The following LPP variants were observed in gnomAD, a reference collection of about 807,000 sequenced individuals.
LPP encodes the protein LIM domain containing preferred translocation partner in lipoma, also known as lipoma-preferred partner.
LPP carries 38 observed loss-of-function variants against 60.4 expected under a neutral mutation model. The ratio of observed to expected loss-of-function variants is 0.63; its 90% CI spans 0.49 to 0.83. The LOEUF (loss-of-function observed/expected upper bound fraction) is 0.83. LPP is among the 40% of genes least tolerant of loss of function. The pLI, the probability that LPP is intolerant of heterozygous loss-of-function variation, is 0.00. For missense variants in LPP, 902 were observed against 783.6 expected, an observed-to-expected ratio of 1.15 and a Z score of -1.80; for synonymous variants, 328 against 290.8, an observed-to-expected ratio of 1.13 and a Z score of -1.30.
At chr3:188,218,864 C>T (rs1295904619) in intron 1 of LPP, among the ~76,000 whole-genome samples, 1 of 152,082 alleles carries the variant, frequency 6.6e-6, no homozygotes, top group Non-Finnish European at 1.5e-5. Flanking sequence ...GGATTATTCC[C>T]TTATGTATAT....
At chr3:188,433,882 G>A (rs1209715591) in intron 4 of LPP, among the ~76,000 whole-genome samples, 1 of 151,458 alleles carries the variant, frequency 6.6e-6, no homozygotes, top group Non-Finnish European at 1.5e-5. Context: ...ATTTCAGAAA[G>A]AGAGAAAGAG....
intron 2 of LPP, among the ~76,000 whole-genome samples, chr3:188,277,620 C>T (rs6800979): frequency 0.68 from 103,234 of 152,116 alleles, 35,607 homozygotes; most frequent in African/African-American, 0.77. Flanking sequence ...TTATTATACC[C>T]ATTTCTTAAT....
At chr3:188,205,815 A>G (rs538904431) in intron 1 of LPP, among the ~76,000 whole-genome samples, 1 of 152,322 alleles carries the variant, frequency 6.6e-6, no homozygotes, top group East Asian at 1.9e-4. Flanking sequence ...TCCAGGAGTC[A>G]TCTTGAGGGA....
Position 188,880,966 on chromosome 3 carries a change from T to TA in LPP, c.*6502dup, listed in dbSNP as rs11293941. The TA allele has an allele frequency of 8.1e-5, 12 of 147,862 alleles. No homozygotes were observed. The highest frequency in any genetic ancestry group is 3.4e-4 in the East Asian group (2 of 5,944). 9.2% of individuals were successfully genotyped at this position (147,862 alleles called of 1,614,324 possible). On this transcript the variant is annotated 3_prime_UTR_variant, in exon 12 of 12. Transcript: ENST00000617246. ...TAACACGGTGAAACCCCGTCTCTAC[T>TA]AAAAAAAAAAAAAAATACAAAAAAT... is the stretch of plus-strand genomic sequence containing the variant.
At chr3:188,204,764 T>G (rs1471305681) in intron 1 of LPP, among the ~76,000 whole-genome samples, 4 of 152,198 alleles carry the variant, frequency 2.6e-5, no homozygotes, top group Non-Finnish European at 1.5e-5. Context: ...CCTGTGCCAA[T>G]GACCTGGAGG....
At position 188,786,382 on chromosome 3, in the gene LPP, C is replaced by CAA. The variant is rs57565042; in HGVS notation, c.1410+26128_1410+26129dup. ...TGGGCAACAGCGTGAGACTCCGTCT[C>CAA]AAAAAAAAAAAAAAAAAAAAAAAAA... On this transcript the variant is annotated intron_variant, in intron 9 of 11. Transcript: ENST00000617246. Among the ~76,000 whole-genome samples the CAA allele has an allele frequency of 3.3e-3, 250 of 76,638 alleles. 26 individuals carry two copies. Among genetic ancestry groups the CAA allele is most frequent in the African/African-American group, 6.7e-3 (138 of 20,694 alleles). 50.3% of individuals were successfully genotyped at this position (76,638 alleles called of 152,430 possible).
At position 188,696,741 on chromosome 3, in the gene LPP, A is replaced by G. The variant is rs144697569; in HGVS notation, c.1114-11526A>G. On this transcript the variant is annotated intron_variant, in intron 7 of 11. Transcript: ENST00000617246. Reference sequence around the variant, plus strand: ...CAAGTAAGCAGACCCTAGAACCTATATATCTAAGGCATACTGATTACTATC... The same window carrying G: ...CAAGTAAGCAGACCCTAGAACCTATGTATCTAAGGCATACTGATTACTATC... Among the ~76,000 whole-genome samples the G allele has an allele frequency of 1.1e-3, 168 of 152,302 alleles. 2 individuals carry two copies. The East Asian group carries it at 0.03, about 28-fold the overall frequency.
At chr3:188,607,116 G>GAC (rs34057522) in intron 6 of LPP, among the ~76,000 whole-genome samples, 4,781 of 129,468 alleles carry the variant, frequency 0.037, 99 homozygotes, top group Non-Finnish European at 0.047. Flanking sequence ...TCTTGGTGAA[G>GAC]ACACACACAC....
intron 6 of LPP, among the ~76,000 whole-genome samples, chr3:188,540,118 C>T (rs1035661070): frequency 6.6e-6 from 1 of 152,080 alleles, no homozygotes; most frequent in South Asian, 2.1e-4. Context: ...TGACCTGGCC[C>T]CTGTGGGTAT....
chr3:188,371,639 ATATTTTTTTTTTTTTTT>A (rs1773191930), intron 3 of LPP, among the ~76,000 whole-genome samples: 2 of 27,658 alleles, frequency 7.2e-5, no homozygotes, highest in Non-Finnish European at 1.6e-4. Flanking sequence ...ATATATATAT[ATATTTTTTTTTTTTTTT>A]TTTTTTTTTT....
intron 2 of LPP, among the ~76,000 whole-genome samples, chr3:188,329,528 C>T (rs1355294902): frequency 2.6e-5 from 4 of 151,752 alleles, no homozygotes; most frequent in Non-Finnish European, 4.4e-5. Flanking sequence ...GAGCTTTCAG[C>T]GTCCTGTCTG....
At chr3:188,249,897 A>T (rs1560156995) in intron 2 of LPP, among the ~76,000 whole-genome samples, 1 of 135,102 alleles carries the variant, frequency 7.4e-6, no homozygotes, top group African/African-American at 3.0e-5. Flanking sequence ...ATATATATAT[A>T]TATATTTTTT....
At chr3:188,206,270 C>T (rs1733187846) in intron 1 of LPP, among the ~76,000 whole-genome samples, 1 of 152,148 alleles carries the variant, frequency 6.6e-6, no homozygotes, top group African/African-American at 2.4e-5. Context: ...CGAGGTCCTG[C>T]AACCACAGAG....
chr3:188,493,250 A>G (rs958222523), intron 5 of LPP, among the ~76,000 whole-genome samples: 1 of 152,164 alleles, frequency 6.6e-6, no homozygotes, highest in Non-Finnish European at 1.5e-5. Context: ...TTTGCACACT[A>G]TCATTTAGTA....
chr3:188,179,656 T>G (rs1724330332), intron 1 of LPP: 4 of 370,622 alleles, frequency 1.1e-5, no homozygotes, highest in Non-Finnish European at 2.1e-5. Flanking sequence ...TGGAGTGAGC[T>G]TCAGCAAGCC....
Position 188,202,528 on chromosome 3 carries a change from A to G in LPP, c.-189-22877A>G, listed in dbSNP as rs578248400. ...TCTGCATCAATGCTCTTGCATCTTG[A>G]GCTTTTAAAAAATTGCCATTCAAAC... On this transcript the variant is annotated intron_variant, in intron 1 of 11. Transcript: ENST00000617246. Among the ~76,000 whole-genome samples, 13 of 152,268 alleles carry G rather than the reference A, an allele frequency of 8.5e-5. No individual in the cohort carries two copies. In the South Asian group the frequency reaches 2.5e-3, roughly 29 times the overall value.
At position 188,609,598 on chromosome 3, in the gene LPP, T is replaced by C; in HGVS notation, c.867T>C (p.Tyr289=). The part of the protein sequence containing the change: ...PGLQPEPGYG[Y]APNQGRYYEG... Reference sequence around the variant, plus strand: ...TTCAGCCGGAGCCTGGGTATGGGTATGCCCCCAACCAGGGACGCTATTATG... The same window carrying C: ...TTCAGCCGGAGCCTGGGTATGGGTACGCCCCCAACCAGGGACGCTATTATG... Residue 289 remains tyrosine, a synonymous_variant, in exon 7 of 12, where the codon TAT becomes TAC. Coordinates refer to ENST00000617246, the MANE Select transcript of LPP (RefSeq NM_001375462.1). This position sits in a 1 kb window ranked among gnomAD's most constrained non-coding sequence, Gnocchi z 6.9. 1.2e-6 allele frequency: 2 copies of C among 1,614,162 alleles called. No individual in the cohort carries two copies. Among genetic ancestry groups the C allele is most frequent in the Non-Finnish European group, 1.7e-6 (2 of 1,180,028 alleles).
intron 7 of LPP, among the ~76,000 whole-genome samples, chr3:188,630,165 T>A (rs75419461): frequency 1.6e-5 from 1 of 63,020 alleles, no homozygotes; most frequent in Non-Finnish European, 3.8e-5. Context: ...CAAAACAAAC[T>A]ATCAACAGAG....
chr3:188,736,276 G>GA (rs1399007539), intron 8 of LPP, among the ~76,000 whole-genome samples: 2 of 151,778 alleles, frequency 1.3e-5, no homozygotes, highest in Non-Finnish European at 2.9e-5. Context: ...ATAAAATTAA[G>GA]AAAAAATATG....
Sources: gnomAD v4.1 joint callset for allele counts (sites outside exome capture counted in the v4.1 genomes callset) on GRCh38, gnomAD v4.1.1 for gene constraint, Gnocchi (gnomAD v3.1) non-coding constraint, MANE v1.5 for transcripts, NCBI Gene and HGNC (gene_info 2026-07-23, HGNC 2026-07-21) for gene names.